SLC25A37: variants seen among roughly 807,000 people sequenced by gnomAD.
SLC25A37 encodes mitoferrin-1.
SLC25A37 carries 17 observed loss-of-function variants against 31.0 expected under a neutral mutation model. The observed-to-expected ratio is 0.55, with a 90% CI of 0.38 to 0.82. SLC25A37 has a LOEUF of 0.82. SLC25A37 is among the 40% of genes least tolerant of loss of function. SLC25A37 has a pLI of 0.00. For missense variants in SLC25A37, 404 were observed against 465.8 expected, an observed-to-expected ratio of 0.87 and a Z score of 1.22; for synonymous variants, 222 against 193.0, an observed-to-expected ratio of 1.15 and a Z score of -1.24.
intron 1 of SLC25A37, among the ~76,000 whole-genome samples, chr8:23,544,166 G>A (rs1444131897): frequency 6.6e-6 from 1 of 152,094 alleles, no homozygotes; most frequent in Non-Finnish European, 1.5e-5. Context: ...AGCCTTCACT[G>A]TACTTTTGGT....
At chr8:23,535,020 T>G (rs1801737881) in intron 1 of SLC25A37, among the ~76,000 whole-genome samples, 1 of 152,042 alleles carries the variant, frequency 6.6e-6, no homozygotes, top group Non-Finnish European at 1.5e-5. Context: ...CACCTCTGAG[T>G]CAATGGCCTT....
intron 3 of SLC25A37, 92 bp downstream of exon 3, chr8:23,568,470 G>C: frequency 7.0e-7 from 1 of 1,432,366 alleles, no homozygotes; most frequent in Non-Finnish European, 9.8e-7. Context: ...CTGAAGGTGG[G>C]CAGAGCGGCT....
chr8:23,551,275 C>T (rs900626126), intron 1 of SLC25A37, among the ~76,000 whole-genome samples: 2 of 152,184 alleles, frequency 1.3e-5, no homozygotes. Flanking sequence ...ATTTAAGCAG[C>T]CTAGGCCATC....
chr8:23,558,867 C>A (rs1802436340), intron 1 of SLC25A37, among the ~76,000 whole-genome samples: 1 of 152,156 alleles, frequency 6.6e-6, no homozygotes, highest in Non-Finnish European at 1.5e-5. Context: ...GTGAGGGCTC[C>A]TCTCAGCTGC....
chr8:23,537,792 C>T (rs977323908), intron 1 of SLC25A37, among the ~76,000 whole-genome samples: 2 of 152,150 alleles, frequency 1.3e-5, no homozygotes, highest in South Asian at 2.1e-4. Context: ...GCCCATTCTT[C>T]GTGGTGCCTG....
Position 23,529,813 on chromosome 8 carries a change from T to C in SLC25A37, c.210+601T>C, listed in dbSNP as rs1801628442. ...ACAGCGGCCCGTGGGATCCCCTTTC[T>C]GAGGGTTCCTGCACTTCTTCCCCCG... On this transcript the variant is annotated intron_variant, in intron 1 of 3. Transcript: ENST00000519973. The surrounding 1 kb of genome is among the most constrained non-coding windows in gnomAD (Gnocchi z 4.1). Among the ~76,000 whole-genome samples the C allele has an allele frequency of 6.6e-6, 1 of 152,108 alleles. No individual in the cohort carries two copies. Among genetic ancestry groups the C allele is most frequent in the Non-Finnish European group, 1.5e-5 (1 of 68,024 alleles).
rs1462283903 is a variant in SLC25A37, at chr8:23,529,504, C to T, written c.210+292C>T. ...GGGGGAGGCGGAGTGGCGAGCACCG[C>T]TGGCTTCGGCGGCGACTGGGCTCCC... is the stretch of plus-strand genomic sequence containing the variant. On this transcript the variant is annotated intron_variant, in intron 1 of 3. Coordinates refer to ENST00000519973, the MANE Select transcript of SLC25A37 (RefSeq NM_016612.4). The surrounding 1 kb of genome is among the most constrained non-coding windows in gnomAD (Gnocchi z 4.1). Among the ~76,000 whole-genome samples the T allele has an allele frequency of 1.3e-5, 2 of 151,992 alleles. 1 individual carries two copies. The highest frequency in any genetic ancestry group is 4.8e-5 in the African/African-American group (2 of 41,422).
Position 23,529,756 on chromosome 8 carries a change from C to T in SLC25A37, c.210+544C>T, listed in dbSNP as rs1304048262. ...CGGGAACTTGGGGCCGGCAAGTCTT[C>T]TCTCGACTAGTGGCAGCTCTTTACC... is the stretch of plus-strand genomic sequence containing the variant. On this transcript the variant is annotated intron_variant, in intron 1 of 3. Transcript: ENST00000519973. This position sits in a 1 kb window ranked among gnomAD's most constrained non-coding sequence, Gnocchi z 4.1. Among the ~76,000 whole-genome samples, 1 of 152,190 alleles carries T rather than the reference C, an allele frequency of 6.6e-6. No homozygotes were observed. Among genetic ancestry groups the T allele is most frequent in the Non-Finnish European group, 1.5e-5 (1 of 68,026 alleles).
intron 1 of SLC25A37, among the ~76,000 whole-genome samples, chr8:23,563,611 A>AGCTG (rs772679478): frequency 2.0e-5 from 3 of 152,230 alleles, no homozygotes; most frequent in Non-Finnish European, 2.9e-5. Context: ...GTGTCTTGGC[A>AGCTG]GCTGCCTTGG....
At chr8:23,561,291 A>C (rs891669663) in intron 1 of SLC25A37, among the ~76,000 whole-genome samples, 1 of 151,942 alleles carries the variant, frequency 6.6e-6, no homozygotes, top group African/African-American at 2.4e-5. Context: ...GTTTCCTCCA[A>C]CTGCTCTACC....
intron 1 of SLC25A37, among the ~76,000 whole-genome samples, chr8:23,537,567 G>T (rs569030822): frequency 6.6e-6 from 1 of 152,336 alleles, no homozygotes; most frequent in African/African-American, 2.4e-5. Flanking sequence ...CTGGTGGGCT[G>T]CAGTTTTCTC....
At chr8:23,551,499 G>A (rs1382005622) in intron 1 of SLC25A37, among the ~76,000 whole-genome samples, 2 of 152,002 alleles carry the variant, frequency 1.3e-5, no homozygotes, top group East Asian at 3.9e-4. Flanking sequence ...GGCAGATCCT[G>A]CTGCTAGGCA....
chr8:23,538,553 G>A (rs1052810368), intron 1 of SLC25A37, among the ~76,000 whole-genome samples: 3 of 151,670 alleles, frequency 2.0e-5, no homozygotes, highest in Non-Finnish European at 4.4e-5. Context: ...GTGTTTGTGT[G>A]TGTGTGTAGA....
intron 1 of SLC25A37, among the ~76,000 whole-genome samples, chr8:23,547,987 C>T (rs1802113563): frequency 6.6e-6 from 1 of 152,092 alleles, no homozygotes; most frequent in African/African-American, 2.4e-5. Flanking sequence ...CCGGCATGGC[C>T]AAGGTCACCC....
At chr8:23,557,719 GA>G (rs1802405570) in intron 1 of SLC25A37, among the ~76,000 whole-genome samples, 1 of 152,192 alleles carries the variant, frequency 6.6e-6, no homozygotes, top group African/African-American at 2.4e-5. Flanking sequence ...GTGAGGCTTG[GA>G]AAACAGGGAG....
chr8:23,565,753 A>G (rs1001653889), intron 1 of SLC25A37, among the ~76,000 whole-genome samples: 3 of 152,156 alleles, frequency 2.0e-5, no homozygotes, highest in African/African-American at 7.2e-5. Context: ...TTCCATATGC[A>G]TTGTTTGGTT....
intron 1 of SLC25A37, among the ~76,000 whole-genome samples, chr8:23,557,900 G>A (rs1192018785): frequency 2.0e-5 from 3 of 152,190 alleles, no homozygotes; most frequent in Non-Finnish European, 4.4e-5. Flanking sequence ...CGAGGTGCCC[G>A]AGCCTTATTT....
intron 1 of SLC25A37, among the ~76,000 whole-genome samples, chr8:23,537,915 G>A (rs1004661493): frequency 2.6e-5 from 4 of 152,112 alleles, no homozygotes; most frequent in African/African-American, 9.7e-5. Flanking sequence ...TGCCTTGCAT[G>A]TAAAGCCCGA....
In SLC25A37 at chr8:23,529,624, T is replaced by TC. The variant is rs1801623882; in HGVS notation, c.210+416dup. 6.6e-6 allele frequency among the ~76,000 whole-genome samples: 1 copy of TC among 151,846 alleles called. No individual in the cohort carries two copies. Among genetic ancestry groups the TC allele is most frequent in the African/African-American group, 2.4e-5 (1 of 41,308 alleles). On this transcript the variant is annotated intron_variant, in intron 1 of 3. Coordinates refer to ENST00000519973, the MANE Select transcript of SLC25A37 (RefSeq NM_016612.4). The surrounding 1 kb of genome is among the most constrained non-coding windows in gnomAD (Gnocchi z 4.1). ...ACACGTGCGCGGTTTCCGAGGGAGC[T>TC]CCCCGCAGGGGAAGCCCTCACCACG...
Sources: gnomAD v4.1 joint callset for allele counts (sites outside exome capture counted in the v4.1 genomes callset) on GRCh38, gnomAD v4.1.1 for gene constraint, Gnocchi (gnomAD v3.1) non-coding constraint, MANE v1.5 for transcripts, NCBI Gene and HGNC (gene_info 2026-07-23, HGNC 2026-07-21) for gene names.